VAT1L: variants seen among roughly 807,000 people sequenced by gnomAD.
The protein encoded by VAT1L is putative NADPH-dependent quinone oxidoreductase VAT1L.
A neutral mutation model predicts 44.1 loss-of-function variants in VAT1L; 34 were observed. The observed-to-expected ratio is 0.77, with a 90% confidence interval of 0.59 to 1.03. The LOEUF is 1.03. Among genes scored for constraint, VAT1L ranks in the 50% least tolerant of loss-of-function variants. The pLI, the probability that VAT1L is intolerant of heterozygous loss-of-function variation, is 0.00. For missense variants in VAT1L, 615 were observed against 538.8 expected (o/e 1.14, Z -1.40); for synonymous variants, 253 against 202.2 (o/e 1.25, Z -2.13).
intron 3 of VAT1L, among the ~76,000 whole-genome samples, chr16:77,846,504 G>C: frequency 6.6e-6 from 1 of 152,132 alleles, no homozygotes; most frequent in East Asian, 1.9e-4. Flanking sequence ...CAGAGAGTTA[G>C]TCAAACAGCC....
At chr16:77,845,320 G>A (rs9673880) in intron 3 of VAT1L, among the ~76,000 whole-genome samples, 2 of 152,190 alleles carry the variant, frequency 1.3e-5, no homozygotes, top group East Asian at 3.9e-4. Context: ...AGCAGGTGCG[G>A]GATAAGAGTG....
At position 77,788,868 on chromosome 16, in the gene VAT1L, C is replaced by T; in HGVS notation, c.186C>T (p.Ala62=). 1 of 1,568,588 alleles carries T rather than the reference C, an allele frequency of 6.4e-7. No homozygotes were observed. The highest frequency in any genetic ancestry group is 8.6e-7 in the Non-Finnish European group (1 of 1,158,696). Residue 62 remains alanine (A), a synonymous_variant, in exon 1 of 9, where the codon GCC becomes GCT. Transcript: ENST00000302536. ...GLNKLRLFRK[A]MPEPQDGELK... ...ACAAGCTGCGGCTCTTCAGGAAGGC[C>T]ATGCCCGAGCCTCAGGACGGCGAGC...
At chr16:77,962,777 A>AAGG (rs1322175996) in intron 7 of VAT1L, among the ~76,000 whole-genome samples, 6 of 151,620 alleles carry the variant, frequency 4.0e-5, no homozygotes, top group African/African-American at 1.5e-4. Context: ...GGAAGGAAGG[A>AAGG]AAGAAAGAGA....
intron 7 of VAT1L, among the ~76,000 whole-genome samples, chr16:77,940,984 A>G (rs1009448369): frequency 2.0e-5 from 3 of 152,264 alleles, no homozygotes; most frequent in African/African-American, 7.2e-5. Context: ...TCAAGTTCAG[A>G]GTCTTCAGGC....
intron 7 of VAT1L, among the ~76,000 whole-genome samples, chr16:77,910,111 C>G (rs1309913154): frequency 6.6e-6 from 1 of 152,194 alleles, no homozygotes; most frequent in Non-Finnish European, 1.5e-5. Flanking sequence ...ATGAATTATT[C>G]TCATAAGGGA....
intron 3 of VAT1L, among the ~76,000 whole-genome samples, chr16:77,826,198 C>A (rs2016520490): frequency 9.9e-6 from 1 of 101,304 alleles, no homozygotes; most frequent in Non-Finnish European, 2.0e-5. Context: ...CAGAGCGAGA[C>A]TCCGTCTCAA....
intron 3 of VAT1L, among the ~76,000 whole-genome samples, chr16:77,844,454 A>G (rs922804873): frequency 3.3e-5 from 5 of 151,910 alleles, no homozygotes; most frequent in East Asian, 3.9e-4. Flanking sequence ...TGTCACCCAG[A>G]CTGGAGTGCA....
Position 77,879,297 on chromosome 16 carries a change from G to C in VAT1L, c.882+73G>C. 6.6e-7 allele frequency: 1 copy of C among 1,523,820 alleles called. No individual in the cohort carries two copies. Among genetic ancestry groups the C allele is most frequent in the Non-Finnish European group, 9.1e-7 (1 of 1,099,442 alleles). 94.4% of individuals were successfully genotyped at this position (1,523,820 alleles called of 1,614,324 possible). On this transcript the variant is annotated intron_variant, in intron 6 of 8. Coordinates refer to ENST00000302536, the MANE Select transcript of VAT1L (RefSeq NM_020927.3). The surrounding 1 kb of genome is among the most constrained non-coding windows in gnomAD (Gnocchi z 4.1). The stretch of plus-strand genomic sequence containing the variant: ...CATGTTGAGAGCTTTGTTTTTGTTT[G>C]TTTGTTTGTTTTGAGACAGCGTCTC...
intron 1 of VAT1L, among the ~76,000 whole-genome samples, chr16:77,807,650 G>A (rs1259676731): frequency 6.6e-6 from 1 of 152,058 alleles, no homozygotes; most frequent in African/African-American, 2.4e-5. Context: ...CTGACCTATG[G>A]CATTTTCTTT....
At chr16:77,900,869 C>G (rs1206418726) in intron 7 of VAT1L, among the ~76,000 whole-genome samples, 1 of 152,040 alleles carries the variant, frequency 6.6e-6, no homozygotes, top group African/African-American at 2.4e-5. Flanking sequence ...ATAAATGCCC[C>G]AAGTCTGCTC....
chr16:77,920,686 G>A (rs976849341), intron 7 of VAT1L, among the ~76,000 whole-genome samples: 1 of 152,132 alleles, frequency 6.6e-6, no homozygotes, highest in African/African-American at 2.4e-5. Context: ...TGTACCTTTT[G>A]TATGTTGATG....
intron 2 of VAT1L, among the ~76,000 whole-genome samples, chr16:77,820,345 G>A (rs954209235): frequency 2.0e-5 from 3 of 152,154 alleles, no homozygotes; most frequent in African/African-American, 7.2e-5. Flanking sequence ...GCTACTTCCA[G>A]CTAGATGAAC....
At chr16:77,830,745 G>T (rs975793862) in intron 3 of VAT1L, among the ~76,000 whole-genome samples, 6 of 152,128 alleles carry the variant, frequency 3.9e-5, no homozygotes, top group Admixed American at 2.0e-4. Context: ...GGGCTGTGGC[G>T]CAGTCTCAGC....
chr16:77,877,871 A>G (rs377320849), intron 5 of VAT1L, among the ~76,000 whole-genome samples: 1 of 152,204 alleles, frequency 6.6e-6, no homozygotes, highest in Non-Finnish European at 1.5e-5. Context: ...AGTAATTTCA[A>G]TCATAGCCAT....
chr16:77,836,874 A>C (rs2145255913), intron 3 of VAT1L, among the ~76,000 whole-genome samples: 1 of 152,358 alleles, frequency 6.6e-6, no homozygotes, highest in East Asian at 1.9e-4. Flanking sequence ...ATGCAATATT[A>C]GTTGAATAAA....
At chr16:77,943,671 G>C (rs1199604741) in intron 7 of VAT1L, among the ~76,000 whole-genome samples, 2 of 151,744 alleles carry the variant, frequency 1.3e-5, no homozygotes, top group Non-Finnish European at 2.9e-5. Context: ...CAAAGTGCTG[G>C]GATTACAGGT....
chr16:77,969,064 C>T (rs1341986986), intron 7 of VAT1L, among the ~76,000 whole-genome samples: 1 of 152,160 alleles, frequency 6.6e-6, no homozygotes, highest in African/African-American at 2.4e-5. Flanking sequence ...AGTGATCTTC[C>T]CGCCCTGGCC....
At position 77,835,600 on chromosome 16, in the gene VAT1L, TG is replaced by T. The variant is rs112773013; in HGVS notation, c.579+10141del. Among the ~76,000 whole-genome samples, 695 of 152,242 alleles carry T rather than the reference TG, an allele frequency of 4.6e-3. 3 individuals are homozygous for T. Among genetic ancestry groups the T allele is most frequent in the African/African-American group, 0.016 (658 of 41,542 alleles). On this transcript the variant is annotated intron_variant, in intron 3 of 8. Coordinates refer to ENST00000302536, the MANE Select transcript of VAT1L (RefSeq NM_020927.3). ...CAAACATGCTGTTCATGGCTGGGTG[TG>T]GTCGCTCACACCTGTAATCCCAACA...
At chr16:77,941,687 G>C (rs189398481) in intron 7 of VAT1L, among the ~76,000 whole-genome samples, 88 of 152,212 alleles carry the variant, frequency 5.8e-4, no homozygotes, top group African/African-American at 2.0e-3. Flanking sequence ...CCGGGTTTAA[G>C]CTATTGTCCT....
Sources: allele counts gnomAD v4.1 joint callset (sites outside exome capture counted in the v4.1 genomes callset), GRCh38; gene constraint gnomAD v4.1.1; non-coding constraint Gnocchi (gnomAD v3.1); transcripts MANE v1.5; gene names NCBI Gene and HGNC (gene_info 2026-07-23, HGNC 2026-07-21).